The following COL25A1 variants were observed in gnomAD, a reference collection of about 807,000 sequenced individuals.
The protein encoded by COL25A1 is collagen alpha-1(XXV) chain.
In COL25A1, 103 loss-of-function variants were observed where a neutral mutation model predicts 128.4. The observed-to-expected ratio is 0.80, with a 90% CI of 0.68 to 0.94. The LOEUF (loss-of-function observed/expected upper bound fraction) is 0.94. COL25A1 is among the 40% of genes least tolerant of loss of function. The probability of loss-of-function intolerance (pLI) is 0.00; values close to 1 mark genes in which losing one functional copy is unlikely to be tolerated. For missense variants in COL25A1, 745 were observed against 840.0 expected, an observed-to-expected ratio of 0.89 and a Z score of 1.40; for synonymous variants, 279 against 277.2, an observed-to-expected ratio of 1.01 and a Z score of -0.06.
intron 10 of COL25A1, 94 bp downstream of exon 10, chr4:108,940,445 A>G: frequency 1.0e-6 from 1 of 987,450 alleles, no homozygotes; most frequent in Non-Finnish European, 1.6e-6. Flanking sequence ...TGACCCCCTG[A>G]CCTGATGCCC....
At chr4:108,977,444 G>A (rs1183663426) in intron 6 of COL25A1, among the ~76,000 whole-genome samples, 4 of 152,166 alleles carry the variant, frequency 2.6e-5, no homozygotes, top group Non-Finnish European at 5.9e-5. Flanking sequence ...GGAAAATTAA[G>A]TTTAAGGACT....
intron 3 of COL25A1, among the ~76,000 whole-genome samples, chr4:109,182,270 A>G (rs533457043): frequency 1.3e-5 from 2 of 152,250 alleles, no homozygotes; most frequent in African/African-American, 2.4e-5. Context: ...AGGAACCTCC[A>G]CACTGTTTTC....
intron 6 of COL25A1, among the ~76,000 whole-genome samples, chr4:108,999,236 CA>C (rs1441524461): frequency 6.6e-6 from 1 of 152,104 alleles, no homozygotes; most frequent in African/African-American, 2.4e-5. Flanking sequence ...GGCTAATATC[CA>C]GAATCTACAA....
At chr4:108,953,411 G>T (rs527967197) in intron 8 of COL25A1, among the ~76,000 whole-genome samples, 2 of 152,222 alleles carry the variant, frequency 1.3e-5, no homozygotes, top group Non-Finnish European at 2.9e-5. Context: ...TCCCAAAGAG[G>T]CTAAAATATT....
intron 3 of COL25A1, among the ~76,000 whole-genome samples, chr4:109,096,789 G>C (rs1765434911): frequency 6.6e-6 from 1 of 152,196 alleles, no homozygotes; most frequent in African/African-American, 2.4e-5. Flanking sequence ...GCACTCAGCT[G>C]CAGTTCCTGA....
rs184217344 is a variant in COL25A1, at chr4:109,260,739, G to A, written c.367+39844C>T. On this transcript the variant is annotated intron_variant, in intron 3 of 37. Coordinates refer to ENST00000399132, the MANE Select transcript of COL25A1 (RefSeq NM_198721.4). Reference sequence around the variant, plus strand: ...TCGAATTCCTGACCTCAAGAAATCCGCATGCCTCGGCCTCCTAAAGTGCTG... The same window carrying A: ...TCGAATTCCTGACCTCAAGAAATCCACATGCCTCGGCCTCCTAAAGTGCTG... Among the ~76,000 whole-genome samples, 578 of 152,112 alleles carry A rather than the reference G, an allele frequency of 3.8e-3. 4 individuals carry two copies. The highest frequency in any genetic ancestry group is 0.023 in the Admixed American group (349 of 15,274).
At chr4:109,014,133 C>T (rs577219726) in intron 5 of COL25A1, among the ~76,000 whole-genome samples, 1 of 152,126 alleles carries the variant, frequency 6.6e-6, no homozygotes, top group South Asian at 2.1e-4. Flanking sequence ...ATGGTGAAAC[C>T]CCGTCTCTAC....
chr4:109,129,428 C>T (rs1768952426), intron 3 of COL25A1, among the ~76,000 whole-genome samples: 1 of 152,060 alleles, frequency 6.6e-6, no homozygotes, highest in Non-Finnish European at 1.5e-5. Context: ...TGCGCCCAGC[C>T]CTTGTCAAAT....
chr4:108,930,702 C>T (rs1215575683), intron 11 of COL25A1, among the ~76,000 whole-genome samples: 1 of 152,222 alleles, frequency 6.6e-6, no homozygotes, highest in African/African-American at 2.4e-5. Flanking sequence ...CACACTGTGG[C>T]TTTGAACTCC....
At chr4:108,966,151 G>A (rs140360542) in intron 8 of COL25A1, among the ~76,000 whole-genome samples, 84 of 152,248 alleles carry the variant, frequency 5.5e-4, no homozygotes, top group African/African-American at 1.8e-3. Flanking sequence ...CATATAGTGA[G>A]TTCTAAGGTA....
At chr4:109,001,421 G>GTATCTGAGATC (rs1755396062) in intron 6 of COL25A1, among the ~76,000 whole-genome samples, 1 of 152,252 alleles carries the variant, frequency 6.6e-6, no homozygotes, top group Non-Finnish European at 1.5e-5. Context: ...TGTCAGGTAG[G>GTATCTGAGATC]CAGTGAGCTA....
At chr4:109,116,180 G>A (rs2126046256) in intron 3 of COL25A1, among the ~76,000 whole-genome samples, 1 of 152,132 alleles carries the variant, frequency 6.6e-6, no homozygotes, top group Non-Finnish European at 1.5e-5. Flanking sequence ...ACACTTTTGT[G>A]AGTTTTATCT....
chr4:108,825,046 T>C (rs1732203024), intron 34 of COL25A1, 150 bp downstream of exon 34: 1 of 542,816 alleles, frequency 1.8e-6, no homozygotes, highest in East Asian at 3.0e-5. Flanking sequence ...AACACTAGTG[T>C]ATTTTATATT....
At chr4:109,300,196 A>C (rs1725379401) in intron 3 of COL25A1, among the ~76,000 whole-genome samples, 1 of 150,234 alleles carries the variant, frequency 6.7e-6, no homozygotes, top group South Asian at 2.1e-4. Context: ...AAAAAAAAAA[A>C]CTCTGCACTA....
At position 109,039,713 on chromosome 4, in the gene COL25A1, G is replaced by A. The variant is rs532444434; in HGVS notation, c.420+8455C>T. On this transcript the variant is annotated intron_variant, in intron 5 of 37. Transcript: ENST00000399132. Reference sequence around the variant, plus strand: ...GTCTTATTTGCCATTTATCCTCATCGTATAGCAGAGGGTGTGGTATGTATT... The same window carrying A: ...GTCTTATTTGCCATTTATCCTCATCATATAGCAGAGGGTGTGGTATGTATT... Among the ~76,000 whole-genome samples, 10 of 152,226 alleles carry A rather than the reference G, an allele frequency of 6.6e-5. No individual in the cohort carries two copies. The East Asian group carries it at 1.4e-3, about 21-fold the overall frequency.
intron 10 of COL25A1, among the ~76,000 whole-genome samples, chr4:108,938,113 C>T (rs1747655537): frequency 6.6e-6 from 1 of 152,128 alleles, no homozygotes. Flanking sequence ...GAACTCAGAA[C>T]TTTCATACAT....
At chr4:109,224,461 G>T (rs1323512164) in intron 3 of COL25A1, among the ~76,000 whole-genome samples, 1 of 151,862 alleles carries the variant, frequency 6.6e-6, no homozygotes, top group Non-Finnish European at 1.5e-5. Flanking sequence ...ATCTCATCTG[G>T]GAGTTTGTCT....
In COL25A1 at chr4:109,197,468, TA is replaced by T. The variant is rs1776192000; in HGVS notation, c.367+103114del. On this transcript the variant is annotated intron_variant, in intron 3 of 37. Transcript: ENST00000399132. ...ATATATATTATATATAAATATTATA[TA>T]TAATATATATTATATATTATATATA... 1.8e-4 allele frequency among the ~76,000 whole-genome samples: 13 copies of T among 72,706 alleles called. 1 individual carries two copies. The highest frequency in any genetic ancestry group is 7.1e-4 in the South Asian group (2 of 2,810). 47.7% of individuals were successfully genotyped at this position (72,706 alleles called of 152,430 possible).
chr4:109,278,630 T>C (rs1202043948), intron 3 of COL25A1, among the ~76,000 whole-genome samples: 2 of 152,164 alleles, frequency 1.3e-5, no homozygotes, highest in African/African-American at 4.8e-5. Flanking sequence ...GGAAATTGCC[T>C]CCTGTTAATG....
Sources: allele counts gnomAD v4.1 joint callset (sites outside exome capture counted in the v4.1 genomes callset), GRCh38; gene constraint gnomAD v4.1.1; transcripts MANE v1.5; gene names NCBI Gene and HGNC (gene_info 2026-07-23, HGNC 2026-07-21).